Variants in ARL2 observed in about 807,000 individuals in gnomAD.
The protein encoded by ARL2 is ADP-ribosylation factor-like protein 2.
In ARL2, 11 loss-of-function variants were observed where a neutral mutation model predicts 22.0. The ratio of observed to expected loss-of-function variants is 0.50; its 90% CI spans 0.31 to 0.83. The LOEUF is 0.83. ARL2 is among the 40% of genes least tolerant of loss of function. The pLI is 0.04. For missense variants in ARL2, 216 were observed against 243.2 expected, an observed-to-expected ratio of 0.89 and a Z score of 0.74; for synonymous variants, 111 against 100.8, an observed-to-expected ratio of 1.10 and a Z score of -0.61.
intron 1 of ARL2, among the ~76,000 whole-genome samples, chr11:65,016,110 G>A (rs1406327034): frequency 6.6e-6 from 1 of 151,946 alleles, no homozygotes; most frequent in African/African-American, 2.4e-5. Context: ...GGGAGGCTGA[G>A]GCAAGAGAAT....
At chr11:65,020,274 C>T (rs1228813139) in intron 3 of ARL2, 145 bp from the exon 4 acceptor site, 3 of 715,800 alleles carry the variant, frequency 4.2e-6, no homozygotes, top group Non-Finnish European at 7.3e-6. Flanking sequence ...CGTCCACAAA[C>T]TCACTCCTGG....
rs749944867 is a variant in ARL2, at chr11:65,018,679, C to T, written c.285C>T (p.Asp95=). 1 of 1,614,232 alleles carries T rather than the reference C, an allele frequency of 6.2e-7. No homozygotes were observed. Among genetic ancestry groups the T allele is most frequent in the Admixed American group, 1.7e-5 (1 of 60,036 alleles). The change falls in exon 3 of 5, where the codon GAC becomes GAT. Residue 95 remains aspartate, a synonymous_variant. Coordinates refer to ENST00000246747, the MANE Select transcript of ARL2 (RefSeq NM_001667.4). This position sits in a 1 kb window ranked among gnomAD's most constrained non-coding sequence, Gnocchi z 4.2. ...TCATCTGGGTAGTGGACAGCGCAGA[C>T]CGCCAGCGCATGCAGGACTGCCAGC... ...DGLIWVVDSA[D]RQRMQDCQRE...
chr11:65,016,036 G>A (rs917856501), intron 1 of ARL2, among the ~76,000 whole-genome samples: 3 of 151,856 alleles, frequency 2.0e-5, no homozygotes, highest in Non-Finnish European at 4.4e-5. Context: ...GTGAAATCCC[G>A]TCTCTACTGA....
intron 3 of ARL2, 30 bp from the exon 4 acceptor site, chr11:65,020,389 C>T (rs1946313184): frequency 6.4e-7 from 1 of 1,567,242 alleles, no homozygotes; most frequent in African/African-American, 1.4e-5. Context: ...TCTGAGTCCC[C>T]ACCCCACCCC....
chr11:65,018,428 A>G lies in ARL2; in HGVS notation c.130A>G (p.Ile44Val), dbSNP rs1287492855. ...GTTCAATGGGGAGGACATCGACACC[A>G]TCTCCCCAACGCTGGGCTTCAACAT... ...KKFNGEDIDT[I>V]SPTLGFNIKT... Residue 44 changes from isoleucine (I) to valine (V), a missense_variant, in exon 2 of 5, where the codon ATC becomes GTC. Coordinates refer to ENST00000246747, the MANE Select transcript of ARL2 (RefSeq NM_001667.4). The surrounding 1 kb of genome is among the most constrained non-coding windows in gnomAD (Gnocchi z 4.2). 2 of 1,609,856 alleles carry G rather than the reference A, an allele frequency of 1.2e-6. No individual in the cohort carries two copies. Among genetic ancestry groups the G allele is most frequent in the Non-Finnish European group, 1.7e-6 (2 of 1,178,430 alleles).
Position 65,021,800 on chromosome 11 carries a change from C to T in ARL2, c.500C>T (p.Pro167Leu), listed in dbSNP as rs1339247757. ...GCCGTCACCGGGGAGAACCTGCTGC[C>T]GGGCATCGACTGGCTCCTGGATGAC... ...CSAVTGENLL[P>L]GIDWLLDDIS... Residue 167 changes from proline to leucine, a missense_variant, in exon 5 of 5, where the codon CCG becomes CTG. Physicochemically the swap from Pro to Leu is moderately conservative, Grantham distance 98. Transcript: ENST00000246747. 5.6e-6 allele frequency: 9 copies of T among 1,613,470 alleles called. No homozygotes were observed. Among genetic ancestry groups the T allele is most frequent in the Admixed American group, 5.0e-5 (3 of 60,006 alleles).
rs139518021 is a variant in ARL2, at chr11:65,017,387, G to T, written c.66-977G>T. Among the ~76,000 whole-genome samples, 1,416 of 152,040 alleles carry T rather than the reference G, an allele frequency of 9.3e-3. 19 individuals are homozygous for T. The highest frequency in any genetic ancestry group is 0.032 in the African/African-American group (1,322 of 41,470). ...ATTTTTGTAGTTTTAGTAGAGATGG[G>T]GTTTCACCTTGTTGGTCAGGCTGGT... On this transcript the variant is annotated intron_variant, in intron 1 of 4. Transcript: ENST00000246747.
rs144161068 is a variant in ARL2, at chr11:65,018,460, C to G, written c.162C>G (p.Thr54=). Residue 54 remains threonine (T), a synonymous_variant, in exon 2 of 5, where the codon ACC becomes ACG. Transcript: ENST00000246747. This position sits in a 1 kb window ranked among gnomAD's most constrained non-coding sequence, Gnocchi z 4.2. The part of the protein sequence containing the change: ...ISPTLGFNIK[T]LEHRGFKLNI... ...CAACGCTGGGCTTCAACATCAAGACCCTGGAGCACCGAGGGTGAGCAGGGG... is the reference window on the plus strand; with the variant it reads ...CAACGCTGGGCTTCAACATCAAGACGCTGGAGCACCGAGGGTGAGCAGGGG... 3.7e-6 allele frequency: 6 copies of G among 1,607,820 alleles called. No individual in the cohort carries two copies. The African/African-American group carries it at 5.3e-5, about 14-fold the overall frequency.
chr11:65,015,595 G>A (rs1241558881), intron 1 of ARL2, among the ~76,000 whole-genome samples: 10 of 152,114 alleles, frequency 6.6e-5, no homozygotes, highest in Non-Finnish European at 1.5e-4. Context: ...TTGCCCGCGG[G>A]TAGAAAGATG....
Position 65,014,185 on chromosome 11 carries a change from G to A in ARL2, c.-23G>A. ...GTCCCGGGACTGGGAAGAAACGGCG[G>A]CCGGGAGGGGGCTCCGGGGACCATG... On this transcript the variant is annotated 5_prime_UTR_variant, in exon 1 of 5. Coordinates refer to ENST00000246747, the MANE Select transcript of ARL2 (RefSeq NM_001667.4). 1 of 1,547,942 alleles carries A rather than the reference G, an allele frequency of 6.5e-7. No homozygotes were observed. Among genetic ancestry groups the A allele is most frequent in the African/African-American group, 1.4e-5 (1 of 70,086 alleles).
Position 65,018,701 on chromosome 11 carries a change from C to T in ARL2, c.307C>T (p.Gln103Ter). The T allele has an allele frequency of 1.2e-6, 2 of 1,614,198 alleles. No homozygotes were observed. The highest frequency in any genetic ancestry group is 2.2e-5 in the South Asian group (2 of 91,082). ...AGACCGCCAGCGCATGCAGGACTGC[C>T]AGCGGGAGCTCCAGAGCCTGCTGGT... ...SADRQRMQDC[Q>*]RELQSLLVEE... Residue 103 changes from glutamine to a stop codon, truncating the protein, a stop_gained, in exon 3 of 5, where the codon CAG becomes TAG. Coordinates refer to ENST00000246747, the MANE Select transcript of ARL2 (RefSeq NM_001667.4). LOFTEE classifies it high-confidence loss of function. The surrounding 1 kb of genome is among the most constrained non-coding windows in gnomAD (Gnocchi z 4.2).
intron 1 of ARL2, among the ~76,000 whole-genome samples, chr11:65,015,538 C>A (rs1946240412): frequency 6.6e-6 from 1 of 152,132 alleles, no homozygotes; most frequent in African/African-American, 2.4e-5. Flanking sequence ...AAAAATCTTA[C>A]CTTCATGGAA....
chr11:65,014,398 CG>C, intron 1 of ARL2, 126 bp downstream of exon 1: 1 of 733,762 alleles, frequency 1.4e-6, no homozygotes, highest in Non-Finnish European at 2.1e-6. Context: ...CGTCACCACG[CG>C]GGCCCCATCA....
intron 1 of ARL2, among the ~76,000 whole-genome samples, chr11:65,015,871 T>C (rs750475357): frequency 2.0e-5 from 3 of 151,932 alleles, no homozygotes; most frequent in South Asian, 2.1e-4. Context: ...ACTACGTATA[T>C]AGGTATGGAG....
chr11:65,017,289 G>A (rs746983762), intron 1 of ARL2, among the ~76,000 whole-genome samples: 22 of 150,678 alleles, frequency 1.5e-4, no homozygotes, highest in South Asian at 6.3e-4. Context: ...TCTGCCTGCC[G>A]GGTTCAAGCA....
rs1946284101 is a variant in ARL2 at position 65,018,384 on chromosome 11, AG to A, written c.87del (p.Thr30GlnfsTer4). The A allele has an allele frequency of 6.2e-7, 1 of 1,606,546 alleles. No individual in the cohort carries two copies. Among genetic ancestry groups the A allele is most frequent in the Non-Finnish European group, 8.5e-7 (1 of 1,177,072 alleles). ...CCCAGTGGCCTGGACAATGCTGGAAAGACAACCATCCTGAAGAAGTTCAATG... is the reference window on the plus strand; with the variant it reads ...CCCAGTGGCCTGGACAATGCTGGAAAACAACCATCCTGAAGAAGTTCAATG... ...LLMLGLDNAG[K>X]TTILKKFNGE... On this transcript the variant is annotated frameshift_variant, in exon 2 of 5. Coordinates refer to ENST00000246747, the MANE Select transcript of ARL2 (RefSeq NM_001667.4). LOFTEE classifies it high-confidence loss of function. The surrounding 1 kb of genome is among the most constrained non-coding windows in gnomAD (Gnocchi z 4.2).
rs1006670588 is a variant in ARL2, at chr11:65,019,038, C to T, written c.339+305C>T. 7.8e-5 allele frequency: 81 copies of T among 1,044,726 alleles called. No individual in the cohort carries two copies. In the African/African-American group the frequency reaches 9.1e-4, roughly 12 times the overall value. 64.7% of individuals were successfully genotyped at this position (1,044,726 alleles called of 1,614,324 possible). On this transcript the variant is annotated intron_variant, in intron 3 of 4. Coordinates refer to ENST00000246747, the MANE Select transcript of ARL2 (RefSeq NM_001667.4). ...ATAACCCAAGGCCAGTATGAAGCTT[C>T]GAGAGGCCATGGAGCCTGGCTCAAG...
In ARL2 at chr11:65,018,808, TG is replaced by T. The variant is rs1565183125; in HGVS notation, c.339+77del. The T allele has an allele frequency of 6.3e-7, 1 of 1,587,676 alleles. No individual in the cohort carries two copies. The highest frequency in any genetic ancestry group is 8.5e-7 in the Non-Finnish European group (1 of 1,171,754). The stretch of plus-strand genomic sequence containing the variant: ...CTCAGCAGATGCCCAGAGGGGCCCG[TG>T]GCCCCAGAGGGAAACCAGAGGCAGG... On this transcript the variant is annotated intron_variant, in intron 3 of 4. Transcript: ENST00000246747. This position sits in a 1 kb window ranked among gnomAD's most constrained non-coding sequence, Gnocchi z 4.2.
rs1380316161 is a variant in ARL2, at chr11:65,018,767, G to T, written c.339+34G>T. ...CTCCTACCCTTTGTGTACATGTATG[G>T]ACGTGTGGCTGCCTTCTCAGCAGAT... On this transcript the variant is annotated intron_variant, in intron 3 of 4. Coordinates refer to ENST00000246747, the MANE Select transcript of ARL2 (RefSeq NM_001667.4). This position sits in a 1 kb window ranked among gnomAD's most constrained non-coding sequence, Gnocchi z 4.2. 1.2e-6 allele frequency: 2 copies of T among 1,611,876 alleles called. No homozygotes were observed. The highest frequency in any genetic ancestry group is 1.7e-5 in the Admixed American group (1 of 59,946).
Sources: gnomAD v4.1 joint callset for allele counts (sites outside exome capture counted in the v4.1 genomes callset) on GRCh38, gnomAD v4.1.1 for gene constraint, Gnocchi (gnomAD v3.1) non-coding constraint, MANE v1.5 for transcripts, NCBI Gene and HGNC (gene_info 2026-07-23, HGNC 2026-07-21) for gene names.